Variants in UNC79 observed in about 807,000 individuals in gnomAD.
The protein encoded by UNC79 is unc-79 subunit of NALCN channel complex.
A neutral mutation model predicts 283.1 loss-of-function variants in UNC79; 37 were observed. That is an observed-to-expected ratio of 0.13 (90% confidence interval 0.10 to 0.17). The LOEUF (loss-of-function observed/expected upper bound fraction) is 0.17. Ranked by LOEUF, UNC79 falls within the 10% of genes least tolerant of loss-of-function variation. UNC79 has a pLI of 1.00. For missense variants in UNC79, 2,272 were observed against 3,211.1 expected, an observed-to-expected ratio of 0.71 and a Z score of 7.07; for synonymous variants, 1,107 against 1,200.2, an observed-to-expected ratio of 0.92 and a Z score of 1.61.
chr14:93,608,200 G>A (rs1566764410), intron 26 of UNC79, among the ~76,000 whole-genome samples: 2 of 152,236 alleles, frequency 1.3e-5, no homozygotes, highest in Middle Eastern at 3.4e-3. Context: ...TAGGAAATAC[G>A]AAGAATACAA....
chr14:93,479,216 CTTCCTTCCTTCCT>C (rs1250482507), intron 4 of UNC79, among the ~76,000 whole-genome samples: 27 of 145,662 alleles, frequency 1.9e-4, no homozygotes, highest in African/African-American at 6.9e-4. Context: ...TCCTTCCTTC[CTTCCTTCCTTCCT>C]TTCCTTCCTT....
intron 4 of UNC79, among the ~76,000 whole-genome samples, chr14:93,482,404 C>T (rs2058188214): frequency 6.6e-6 from 1 of 152,082 alleles, no homozygotes; most frequent in Admixed American, 6.5e-5. Context: ...TGTAGGCTTC[C>T]AGGTCACGTT....
chr14:93,410,897 G>GGA (rs1432567157), intron 1 of UNC79, among the ~76,000 whole-genome samples: 1 of 151,860 alleles, frequency 6.6e-6, no homozygotes, highest in Admixed American at 6.6e-5. Flanking sequence ...GTGGCTATGG[G>GGA]GAGAGACTCC....
chr14:93,686,216 G>A (rs1261171365), intron 42 of UNC79, among the ~76,000 whole-genome samples: 1 of 152,208 alleles, frequency 6.6e-6, no homozygotes, highest in East Asian at 1.9e-4. Flanking sequence ...TGGGATGAAT[G>A]ATGTCCTAAA....
At chr14:93,653,653 G>C in intron 35 of UNC79, 89 bp from the exon 39 acceptor site, 1 of 1,084,068 alleles carries the variant, frequency 9.2e-7, no homozygotes, top group Non-Finnish European at 1.4e-6. Flanking sequence ...CAGAGGCATG[G>C]TGTGCAAATG....
chr14:93,537,929 T>A, intron 11 of UNC79, 60 bp from the exon 12 acceptor site: 1 of 1,526,022 alleles, frequency 6.6e-7, no homozygotes, highest in East Asian at 2.3e-5. Context: ...TTTATTCTGA[T>A]TCTTAGCCAA....
chr14:93,427,851 A>G (rs2055765867), upstream of UNC79, among the ~76,000 whole-genome samples: 1 of 152,174 alleles, frequency 6.6e-6, no homozygotes, highest in Non-Finnish European at 1.5e-5. Context: ...CTGAAAAGTA[A>G]AACAATGCAA....
chr14:93,694,094 T>C (rs954541787), intron 46 of UNC79, among the ~76,000 whole-genome samples: 1 of 152,130 alleles, frequency 6.6e-6, no homozygotes, highest in African/African-American at 2.4e-5. Flanking sequence ...CTGAATTCCA[T>C]TGGCAGCCCT....
At chr14:93,655,621 A>C (rs1293003814) in intron 38 of UNC79, among the ~76,000 whole-genome samples, 1 of 150,486 alleles carries the variant, frequency 6.6e-6, no homozygotes, top group Non-Finnish European at 1.5e-5. Context: ...CTGACTATGA[A>C]TATGCATGTT....
chr14:93,595,179 T>G (rs2064985589), intron 23 of UNC79, among the ~76,000 whole-genome samples: 1 of 151,668 alleles, frequency 6.6e-6, no homozygotes, highest in East Asian at 1.9e-4. Context: ...AACCTCTGCC[T>G]CCCGGGTTTA....
At chr14:93,612,627 G>C (rs569601629) in intron 26 of UNC79, among the ~76,000 whole-genome samples, 170 bp from the exon 28 acceptor site, 31 of 152,262 alleles carry the variant, frequency 2.0e-4, no homozygotes, top group African/African-American at 7.0e-4. Flanking sequence ...CCCTGGACTA[G>C]GGCTCTGCCT....
intron 1 of UNC79, among the ~76,000 whole-genome samples, chr14:93,357,669 A>G (rs1376197565): frequency 8.5e-6 from 1 of 117,156 alleles, no homozygotes; most frequent in Non-Finnish European, 1.8e-5. Flanking sequence ...ACTACTTAAT[A>G]AACTCCCATA....
chr14:93,566,963 G>T (rs963271031), intron 14 of UNC79, among the ~76,000 whole-genome samples: 5 of 152,212 alleles, frequency 3.3e-5, no homozygotes, highest in Non-Finnish European at 7.4e-5. Flanking sequence ...AAGCCCAAAA[G>T]AATAATATAG....
intron 5 of UNC79, among the ~76,000 whole-genome samples, chr14:93,490,482 G>A (rs950742667): frequency 1.4e-5 from 2 of 148,068 alleles, no homozygotes; most frequent in African/African-American, 5.3e-5. Context: ...TCAACACTTT[G>A]CTAAGAAATT....
At chr14:93,657,527 A>G (rs1053017715) in intron 38 of UNC79, among the ~76,000 whole-genome samples, 12 of 149,462 alleles carry the variant, frequency 8.0e-5, no homozygotes, top group Non-Finnish European at 1.5e-4. Context: ...AATTTTTTGT[A>G]TTTTTAGTAG....
exon 30 of UNC79, chr14:93,622,378 C>T: frequency 6.2e-7 from 1 of 1,614,178 alleles, no homozygotes; most frequent in South Asian, 1.1e-5. Flanking sequence ...CTGCCCTCAT[C>T]ACTCTGGAAG....
chr14:93,550,187 G>A (rs1033288506), intron 14 of UNC79, among the ~76,000 whole-genome samples: 8 of 152,104 alleles, frequency 5.3e-5, no homozygotes, highest in Non-Finnish European at 1.0e-4. Context: ...AATTTAGTTA[G>A]TTACAGTTTG....
intron 14 of UNC79, among the ~76,000 whole-genome samples, chr14:93,564,920 G>A (rs915717734): frequency 1.3e-5 from 2 of 152,118 alleles, no homozygotes; most frequent in East Asian, 1.9e-4. Flanking sequence ...GGATGTACAC[G>A]TGCAGGTCAC....
At chr14:93,628,776 CT>C (rs1346574982) in intron 30 of UNC79, among the ~76,000 whole-genome samples, 52 of 152,194 alleles carry the variant, frequency 3.4e-4, no homozygotes, top group African/African-American at 1.2e-3. Flanking sequence ...CAAGTAAAAT[CT>C]TTCATAAAAT....
Sources: gnomAD v4.1 joint callset for allele counts (sites outside exome capture counted in the v4.1 genomes callset) on GRCh38, gnomAD v4.1.1 for gene constraint, MANE v1.5 for transcripts, NCBI Gene and HGNC (gene_info 2026-07-23, HGNC 2026-07-21) for gene names.